Variants in LOXL2 observed in about 807,000 individuals in gnomAD.
The protein encoded by LOXL2 is lysyl oxidase homolog 2.
LOXL2 carries 70 observed loss-of-function variants against 93.0 expected under a neutral mutation model. That is an observed-to-expected ratio of 0.75 (90% CI 0.62 to 0.92). The LOEUF is 0.92. LOXL2 is among the 40% of genes least tolerant of loss of function. The pLI is 0.00. For synonymous variants in LOXL2, 438 were observed against 413.2 expected, an observed-to-expected ratio of 1.06 and a Z score of -0.73; for missense variants, 973 against 1,054.9, an observed-to-expected ratio of 0.92 and a Z score of 1.08.
intron 4 of LOXL2, 61 bp downstream of exon 4, chr8:23,340,931 T>G (rs1803871929): frequency 6.8e-7 from 1 of 1,462,066 alleles, no homozygotes; most frequent in Admixed American, 1.7e-5. Flanking sequence ...GGCGGACACT[T>G]TTAACTCTTT....
At chr8:23,300,956 G>A (rs1803120897) in intron 12 of LOXL2, among the ~76,000 whole-genome samples, 1 of 152,204 alleles carries the variant, frequency 6.6e-6, no homozygotes, top group Admixed American at 6.5e-5. Context: ...CAAGTCTGTG[G>A]TTCTGGGCTT....
rs550287009 is a variant in LOXL2, at chr8:23,364,638, T to A, written c.355+3359A>T. On this transcript the variant is annotated intron_variant, in intron 2 of 13. Coordinates refer to ENST00000389131, the MANE Select transcript of LOXL2 (RefSeq NM_002318.3). ...ATCACTTGAGGCCAGGAGTTTGAGA[T>A]CAGCCTGGCCAACGTGGGAAAACCC... 3.3e-5 allele frequency: 5 copies of A among 151,876 alleles called. No individual in the cohort carries two copies. The East Asian group carries it at 9.7e-4, about 30-fold the overall frequency. 9.4% of individuals were successfully genotyped at this position (151,876 alleles called of 1,614,324 possible).
At chr8:23,328,318 A>G in intron 6 of LOXL2, 64 bp downstream of exon 6, 2 of 1,555,874 alleles carry the variant, frequency 1.3e-6, no homozygotes, top group South Asian at 2.2e-5. Flanking sequence ...GCCAGCAGCC[A>G]GGCTGGGCTC....
At chr8:23,402,359 T>A (rs1299681877) in intron 1 of LOXL2, among the ~76,000 whole-genome samples, 1 of 152,204 alleles carries the variant, frequency 6.6e-6, no homozygotes, top group Non-Finnish European at 1.5e-5. Context: ...GAGACTCAAT[T>A]TCCTTGGGGA....
At chr8:23,386,310 T>C (rs1804758749) in intron 1 of LOXL2, among the ~76,000 whole-genome samples, 2 of 152,180 alleles carry the variant, frequency 1.3e-5, no homozygotes, top group Admixed American at 1.3e-4. Context: ...GGAGACTTGC[T>C]TGAACCCTGA....
chr8:23,388,669 ACT>A (rs1044806431), intron 1 of LOXL2, among the ~76,000 whole-genome samples: 2 of 130,756 alleles, frequency 1.5e-5, no homozygotes, highest in African/African-American at 5.5e-5. Flanking sequence ...ACACACACAC[ACT>A]AGAAATGTAC....
At chr8:23,322,992 A>G (rs1422201703) in intron 6 of LOXL2, among the ~76,000 whole-genome samples, 2 of 152,236 alleles carry the variant, frequency 1.3e-5, no homozygotes, top group African/African-American at 2.4e-5. Context: ...TGGGGCTTAA[A>G]GGAGGGCCCT....
At chr8:23,308,429 T>C (rs1803267318) in intron 10 of LOXL2, among the ~76,000 whole-genome samples, 1 of 152,190 alleles carries the variant, frequency 6.6e-6, no homozygotes, top group African/African-American at 2.4e-5. Flanking sequence ...CCAGGTTGTA[T>C]AGATGGCCCA....
chr8:23,311,719 C>T (rs1282040148), intron 9 of LOXL2, among the ~76,000 whole-genome samples: 1 of 152,184 alleles, frequency 6.6e-6, no homozygotes, highest in Non-Finnish European at 1.5e-5. Flanking sequence ...ATGCTCTGTG[C>T]TAGGTTCTCT....
At chr8:23,342,529 T>C (rs373497215) in intron 3 of LOXL2, among the ~76,000 whole-genome samples, 2,697 of 151,664 alleles carry the variant, frequency 0.018, 95 homozygotes, top group East Asian at 0.12. Flanking sequence ...CCTCCCGGGT[T>C]CACGCCATTC....
chr8:23,334,925 T>C (rs1803765901), intron 4 of LOXL2, among the ~76,000 whole-genome samples: 1 of 151,840 alleles, frequency 6.6e-6, no homozygotes, highest in Admixed American at 6.6e-5. Flanking sequence ...CAAGGAATTC[T>C]CCTGCTTCAG....
chr8:23,360,168 C>T lies in LOXL2; in HGVS notation c.453G>A (p.Thr151=), dbSNP rs151029370. 182 of 1,614,048 alleles carry T rather than the reference C, an allele frequency of 1.1e-4. 1 individual carries two copies. Among genetic ancestry groups the T allele is most frequent in the South Asian group, 9.7e-4 (88 of 91,080 alleles). ...CGCTGCACACCACACCGACATCCTCCGTGTGCTTGCAGTCAGTGACGCCCC... is the reference window on the plus strand; with the variant it reads ...CGCTGCACACCACACCGACATCCTCTGTGTGCTTGCAGTCAGTGACGCCCC... ...NGWGVTDCKH[T]EDVGVVCSDK... Residue 151 remains threonine (T), a synonymous_variant, in exon 3 of 14, where the codon ACG becomes ACA. Transcript: ENST00000389131.
At chr8:23,309,991 A>G in intron 9 of LOXL2, 80 bp from the exon 10 acceptor site, 1 of 1,383,012 alleles carries the variant, frequency 7.2e-7, no homozygotes, top group Non-Finnish European at 9.5e-7. Flanking sequence ...AGCTGGGACA[A>G]ACCCCCTCTC....
rs1803967290 is a variant in LOXL2 at position 23,346,080 on chromosome 8, A to G, written c.532-4877T>C. Among the ~76,000 whole-genome samples, 3 of 146,252 alleles carry G rather than the reference A, an allele frequency of 2.1e-5. No homozygotes were observed. The South Asian group carries it at 6.4e-4, about 31-fold the overall frequency. Reference sequence around the variant, plus strand: ...GAGACTCCGTCTCAAAAATAAAATAAAATAATAAAATAAAATAAAATAAAA... The same window carrying G: ...GAGACTCCGTCTCAAAAATAAAATAGAATAATAAAATAAAATAAAATAAAA... On this transcript the variant is annotated intron_variant, in intron 3 of 13. Coordinates refer to ENST00000389131, the MANE Select transcript of LOXL2 (RefSeq NM_002318.3).
chr8:23,368,531 A>AG, intron 1 of LOXL2, 97 bp from the exon 2 acceptor site: 1 of 612,844 alleles, frequency 1.6e-6, no homozygotes, highest in East Asian at 2.8e-5. Flanking sequence ...TAATATGGAA[A>AG]GCTCGTCCAT....
chr8:23,374,202 T>G (rs1460466750), intron 1 of LOXL2, among the ~76,000 whole-genome samples: 1 of 150,842 alleles, frequency 6.6e-6, no homozygotes, highest in Admixed American at 6.6e-5. Context: ...ATGTGGTGTT[T>G]GGTTTTTTGT....
chr8:23,312,666 A>C (rs1335191752), intron 9 of LOXL2, among the ~76,000 whole-genome samples: 2 of 94,726 alleles, frequency 2.1e-5, no homozygotes, highest in Middle Eastern at 4.6e-3. Context: ...AATAAGAGCT[A>C]TCTATGACAA....
intron 6 of LOXL2, among the ~76,000 whole-genome samples, chr8:23,323,554 T>G (rs965815713): frequency 3.3e-5 from 5 of 152,242 alleles, no homozygotes; most frequent in African/African-American, 1.2e-4. Flanking sequence ...CAAGCGGCAG[T>G]GAGCTGGGCA....
Position 23,324,987 on chromosome 8 carries a change from G to GC in LOXL2, c.1151-2707dup, listed in dbSNP as rs368161090. 6.6e-4 allele frequency among the ~76,000 whole-genome samples: 101 copies of GC among 152,274 alleles called. 3 individuals carry two copies. Among genetic ancestry groups the GC allele is most frequent in the Non-Finnish European group, 1.0e-4 (7 of 68,018 alleles). On this transcript the variant is annotated intron_variant, in intron 6 of 13. Coordinates refer to ENST00000389131, the MANE Select transcript of LOXL2 (RefSeq NM_002318.3). ...GCCACTGCTGTAAAACTGGGGAGCT[G>GC]CCCCCTCCAGTACAGGAGCCACCAG... is the stretch of plus-strand genomic sequence containing the variant.
Sources: allele counts gnomAD v4.1 joint callset (sites outside exome capture counted in the v4.1 genomes callset), GRCh38; gene constraint gnomAD v4.1.1; transcripts MANE v1.5; gene names NCBI Gene and HGNC (gene_info 2026-07-23, HGNC 2026-07-21).